The following POFUT3 variants were observed in gnomAD, a reference collection of about 807,000 sequenced individuals.
The protein encoded by POFUT3 is protein O-fucosyltransferase 3.
the POFUT3 span, among the ~76,000 whole-genome samples, chr8:33,328,733 A>T: frequency 6.6e-6 from 1 of 152,182 alleles, no homozygotes; most frequent in Admixed American, 6.5e-5. Context: ...CCCAAACATG[A>T]ACCAATTGTC....
At chr8:33,353,701 G>A in the POFUT3 span, among the ~76,000 whole-genome samples, 2 of 152,298 alleles carry the variant, frequency 1.3e-5, no homozygotes, top group Non-Finnish European at 2.9e-5. Context: ...ACCTGAGCCA[G>A]CTGCAGTCAG....
At chr8:33,389,318 T>G in the POFUT3 span, 2 of 1,614,160 alleles carry the variant, frequency 1.2e-6, no homozygotes, top group Admixed American at 1.7e-5. Flanking sequence ...GATGTAGTCA[T>G]CACAAACTGC....
the POFUT3 span, among the ~76,000 whole-genome samples, chr8:33,446,128 A>T: frequency 6.6e-6 from 1 of 152,094 alleles, no homozygotes; most frequent in Non-Finnish European, 1.5e-5. Context: ...GCAGCCTTCC[A>T]GTGGGGAAGG....
chr8:33,372,157 G>T, the POFUT3 span: 1 of 992,690 alleles, frequency 1.0e-6, no homozygotes, highest in South Asian at 4.6e-5. Context: ...AAGTTCTAAT[G>T]TATTTCATGT....
chr8:33,357,248 T>C, the POFUT3 span, among the ~76,000 whole-genome samples: 6 of 152,174 alleles, frequency 3.9e-5, no homozygotes, highest in Admixed American at 6.5e-5. Context: ...ACTGAATCTA[T>C]AAATTACCTT....
chr8:33,450,668 A>G, the POFUT3 span, among the ~76,000 whole-genome samples: 1 of 152,330 alleles, frequency 6.6e-6, no homozygotes, highest in South Asian at 2.1e-4. Context: ...GGTAATAAAC[A>G]GCATAGATTC....
the POFUT3 span, among the ~76,000 whole-genome samples, chr8:33,314,309 G>A: frequency 1.3e-5 from 2 of 152,100 alleles, no homozygotes; most frequent in African/African-American, 4.8e-5. Context: ...ATTCAACCAC[G>A]TGGGATGGAG....
the POFUT3 span, among the ~76,000 whole-genome samples, chr8:33,338,245 G>C: frequency 6.6e-6 from 1 of 152,078 alleles, no homozygotes; most frequent in Non-Finnish European, 1.5e-5. Flanking sequence ...ATAACTAGTA[G>C]GGATAGTGAA....
At chr8:33,412,532 A>G in the POFUT3 span, among the ~76,000 whole-genome samples, 15 of 152,192 alleles carry the variant, frequency 9.9e-5, no homozygotes, top group Non-Finnish European at 2.2e-4. Flanking sequence ...ATCCACTGGT[A>G]TGAAGCCTGT....
At chr8:33,354,271 T>G in the POFUT3 span, among the ~76,000 whole-genome samples, 1 of 152,238 alleles carries the variant, frequency 6.6e-6, no homozygotes, top group African/African-American at 2.4e-5. Context: ...GCTCATTCAG[T>G]TATGAAGGTC....
chr8:33,442,922 T>C, the POFUT3 span, among the ~76,000 whole-genome samples: 1 of 152,162 alleles, frequency 6.6e-6, no homozygotes, highest in Non-Finnish European at 1.5e-5. Context: ...CCCATAATGT[T>C]TAGCAACATG....
the POFUT3 span, among the ~76,000 whole-genome samples, chr8:33,335,403 G>A: frequency 6.6e-6 from 1 of 152,128 alleles, no homozygotes; most frequent in East Asian, 1.9e-4. Flanking sequence ...TGGCAATGAA[G>A]CCACTCAAGT....
At chr8:33,314,370 C>A in the POFUT3 span, among the ~76,000 whole-genome samples, 1 of 152,138 alleles carries the variant, frequency 6.6e-6, no homozygotes, top group Non-Finnish European at 1.5e-5. Flanking sequence ...TATTATTTGC[C>A]TTTCAAAGTC....
At chr8:33,350,879 G>C in the POFUT3 span, among the ~76,000 whole-genome samples, 1 of 152,152 alleles carries the variant, frequency 6.6e-6, no homozygotes, top group African/African-American at 2.4e-5. Context: ...TGTTAATTGT[G>C]GTGGTATAAA....
the POFUT3 span, among the ~76,000 whole-genome samples, chr8:33,363,851 G>A: frequency 6.6e-6 from 1 of 152,112 alleles, no homozygotes; most frequent in Non-Finnish European, 1.5e-5. Context: ...ACAAGGAGGA[G>A]CTAGTACCAT....
the POFUT3 span, among the ~76,000 whole-genome samples, chr8:33,376,849 C>A: frequency 1.3e-5 from 2 of 152,166 alleles, no homozygotes; most frequent in African/African-American, 4.8e-5. Flanking sequence ...CAACTTTCAA[C>A]TTTTGAGAGG....
At chr8:33,432,274 A>G in the POFUT3 span, among the ~76,000 whole-genome samples, 2 of 151,804 alleles carry the variant, frequency 1.3e-5, no homozygotes, top group East Asian at 3.9e-4. Flanking sequence ...GCCAGGCATG[A>G]TGGGCACCTG....
chr8:33,327,125 A>G, the POFUT3 span, among the ~76,000 whole-genome samples: 1,603 of 152,236 alleles, frequency 0.011, 32 homozygotes, highest in African/African-American at 0.037. Context: ...GAGTAGTGTG[A>G]TAGGAGGTGA....
At chr8:33,432,569 T>C in the POFUT3 span, among the ~76,000 whole-genome samples, 1 of 152,218 alleles carries the variant, frequency 6.6e-6, no homozygotes, top group African/African-American at 2.4e-5. Context: ...ATTGGTTATG[T>C]GAATTGTTCA....
Sources: allele counts gnomAD v4.1 joint callset (sites outside exome capture counted in the v4.1 genomes callset), GRCh38; gene constraint gnomAD v4.1.1; transcripts MANE v1.5; gene names NCBI Gene and HGNC (gene_info 2026-07-23, HGNC 2026-07-21).